PFKP: variants seen among roughly 807,000 people sequenced by gnomAD.
PFKP encodes the protein ATP-dependent 6-phosphofructokinase, platelet type.
A neutral mutation model predicts 94.3 loss-of-function variants in PFKP; 101 were observed. The observed-to-expected ratio is 1.07, with a 90% confidence interval of 0.91 to 1.26. The LOEUF is 1.26. Ranked by LOEUF, PFKP falls within the 50% of genes most tolerant of loss-of-function variation. PFKP has a pLI of 0.00. For synonymous variants in PFKP, 573 were observed against 432.6 expected (o/e 1.32, Z -4.03); for missense variants, 1,145 against 1,103.3 (o/e 1.04, Z -0.53).
intron 1 of PFKP, among the ~76,000 whole-genome samples, chr10:3,076,183 C>T (rs1417828251): frequency 6.6e-6 from 1 of 152,172 alleles, no homozygotes. Flanking sequence ...GCTTAAAGCA[C>T]ATCTCCATGT....
Position 3,109,376 on chromosome 10 carries a change from G to T in PFKP, c.985G>T (p.Ala329Ser), listed in dbSNP as rs1480320863. Reference sequence around the variant, plus strand: ...CCAGGCCAGCCGCATGGGAGTGGAGGCAGTCATCGCCTTGCTAGAGGCCAC... The same window carrying T: ...CCAGGCCAGCCGCATGGGAGTGGAGTCAGTCATCGCCTTGCTAGAGGCCAC... ...RILASRMGVE[A>S]VIALLEATPD... The change falls in exon 10 of 22, where the codon GCA becomes TCA. Residue 329 changes from alanine to serine, a missense_variant. By Grantham distance (99) the Ala-to-Ser change is moderately conservative (BLOSUM62 1). Around this residue, in one of 3 missense-constraint regions of PFKP, gnomAD observed 1,119 missense variants for 1,062.8 expected, o/e 1.05. Coordinates refer to ENST00000381125, the MANE Select transcript of PFKP (RefSeq NM_002627.5). 3.7e-6 allele frequency: 6 copies of T among 1,610,354 alleles called. No individual in the cohort carries two copies. Among genetic ancestry groups the T allele is most frequent in the Non-Finnish European group, 4.2e-6 (5 of 1,180,022 alleles).
At chr10:3,113,621 C>A (rs1221885271) in intron 13 of PFKP, 103 bp downstream of exon 13, 5 of 824,306 alleles carry the variant, frequency 6.1e-6, no homozygotes, top group South Asian at 1.7e-5. Context: ...CCTTTTCATG[C>A]CTCAGTCCGG....
rs1402670085 is a variant in PFKP, at chr10:3,107,284, C to T, written c.845C>T (p.Pro282Leu). The T allele has an allele frequency of 1.2e-6, 2 of 1,609,218 alleles. No individual in the cohort carries two copies. The highest frequency in any genetic ancestry group is 1.7e-6 in the Non-Finnish European group (2 of 1,176,060). Residue 282 changes from proline (P) to leucine (L), a missense_variant, in exon 8 of 22, where the codon CCC becomes CTC. Physicochemically the swap from Pro to Leu is moderately conservative, Grantham distance 98. Transcript: ENST00000381125. ...GGAGCAATTGATACCCAAAATAAAC[C>T]CATCACCTCTGAGAAAATCAAAGAG... ...AEGAIDTQNK[P>L]ITSEKIKELV...
chr10:3,077,261 C>CTTTTTTTT lies in PFKP; in HGVS notation c.113-5115_113-5108dup, dbSNP rs34485324. On this transcript the variant is annotated intron_variant, in intron 1 of 21. Transcript: ENST00000381125. ...CATCTATTCTTTACTTTTTTTTTTT[C>CTTTTTTTT]TTTTTTTTTTTTTTTTTTTGAGATG... is the stretch of plus-strand genomic sequence containing the variant. 2.1e-4 allele frequency among the ~76,000 whole-genome samples: 18 copies of CTTTTTTTT among 84,260 alleles called. 1 individual carries two copies. Among genetic ancestry groups the CTTTTTTTT allele is most frequent in the South Asian group, 4.6e-4 (1 of 2,190 alleles). The allele number at this position is 84,260 out of a possible 152,430, so 55.3% of individuals were successfully genotyped here.
Position 3,121,394 on chromosome 10 carries a change from G to A in PFKP, c.1683+1350G>A, listed in dbSNP as rs138355210. Among the ~76,000 whole-genome samples the A allele has an allele frequency of 9.5e-3, 1,439 of 152,204 alleles. 14 individuals are homozygous for A. The highest frequency in any genetic ancestry group is 0.016 in the Non-Finnish European group (1,120 of 68,004). On this transcript the variant is annotated intron_variant, in intron 16 of 21. Coordinates refer to ENST00000381125, the MANE Select transcript of PFKP (RefSeq NM_002627.5). ...CCGTCATTGCTTTCACTGCTCTTTC[G>A]CCTGCTTTAGCTAGATTTTTGGGTC...
intron 3 of PFKP, chr10:3,101,024 C>T: frequency 6.3e-7 from 1 of 1,585,838 alleles, no homozygotes; most frequent in Non-Finnish European, 8.7e-7. Context: ...TCTTTGGTTC[C>T]ACGTGCACCT....
At position 3,136,441 on chromosome 10, in the gene PFKP, C is replaced by T. The variant is rs761932616; in HGVS notation, c.2226-9C>T. 1 of 1,613,320 alleles carries T rather than the reference C, an allele frequency of 6.2e-7. No individual in the cohort carries two copies. ...CAGGCCTCACTGCTGTCTCCTCTTA[C>T]CTCCACAGGCACAGGATTCCCAAAG... On this transcript the variant is annotated splice_polypyrimidine_tract_variant and intron_variant, in intron 21 of 21. Transcript: ENST00000381125.
At chr10:3,073,027 A>C (rs1176391948) in intron 1 of PFKP, among the ~76,000 whole-genome samples, 3 of 150,176 alleles carry the variant, frequency 2.0e-5, no homozygotes, top group Admixed American at 1.3e-4. Context: ...TTCCCTCCCC[A>C]CTCCTCGGTT....
chr10:3,119,920 C>T lies in PFKP; in HGVS notation c.1559C>T (p.Ala520Val). ...TACCTGGGACTCCTGGAGCTGTCAGCCGCCCGGGAGAAGCACGAGGAGTTC... is the reference window on the plus strand; with the variant it reads ...TACCTGGGACTCCTGGAGCTGTCAGTCGCCCGGGAGAAGCACGAGGAGTTC... ...EAYLGLLELSAAREKHEEFCV... is the reference protein window; with the variant it reads ...EAYLGLLELSVAREKHEEFCV... Residue 520 changes from alanine (A) to valine (V), a missense_variant, in exon 16 of 22, where the codon GCC becomes GTC. Ala to Val is a moderately conservative substitution (Grantham distance 64, BLOSUM62 0). Transcript: ENST00000381125. 1.2e-6 allele frequency: 2 copies of T among 1,614,158 alleles called. No homozygotes were observed. The highest frequency in any genetic ancestry group is 1.7e-6 in the Non-Finnish European group (2 of 1,180,018).
chr10:3,134,656 C>G (rs1036641481), intron 20 of PFKP, 74 bp downstream of exon 20: 1 of 934,590 alleles, frequency 1.1e-6, no homozygotes, highest in African/African-American at 1.6e-5. Context: ...GCTGTCCTAT[C>G]GGGGAGAAGT....
intron 2 of PFKP, among the ~76,000 whole-genome samples, chr10:3,093,859 G>A (rs1003261022): frequency 1.3e-5 from 2 of 152,072 alleles, no homozygotes; most frequent in African/African-American, 2.4e-5. Flanking sequence ...TAGCCAGGAT[G>A]GTCTCCATCT....
At chr10:3,096,656 C>CCG (rs910980569) in intron 2 of PFKP, among the ~76,000 whole-genome samples, 5 of 151,256 alleles carry the variant, frequency 3.3e-5, no homozygotes, top group Admixed American at 2.0e-4. Context: ...TTTCCTTGCC[C>CCG]CCCCGAGCTT....
intron 5 of PFKP, chr10:3,104,709 G>A: frequency 3.5e-6 from 1 of 286,728 alleles, no homozygotes; most frequent in Non-Finnish European, 6.7e-6. Flanking sequence ...CACTTAGTGA[G>A]TCTGGCACTC....
At chr10:3,083,589 C>T (rs10903955) in intron 2 of PFKP, among the ~76,000 whole-genome samples, 16,930 of 152,024 alleles carry the variant, frequency 0.11, 1,240 homozygotes, top group East Asian at 0.32. Flanking sequence ...TTTTTGTTTA[C>T]GATTATGTCA....
chr10:3,093,695 G>A (rs949274446), intron 2 of PFKP, among the ~76,000 whole-genome samples: 1 of 143,972 alleles, frequency 6.9e-6, no homozygotes, highest in Non-Finnish European at 1.5e-5. Flanking sequence ...CCAGGCTGGA[G>A]TGCAGTGGCG....
At chr10:3,113,991 ACTAAAT>A (rs1836533209) in intron 13 of PFKP, among the ~76,000 whole-genome samples, 2 of 152,100 alleles carry the variant, frequency 1.3e-5, no homozygotes, top group Non-Finnish European at 2.9e-5. Flanking sequence ...TAAGCCTCAC[ACTAAAT>A]CTAAGATGTT....
intron 20 of PFKP, 81 bp downstream of exon 20, chr10:3,134,663 A>T: frequency 9.2e-6 from 8 of 872,248 alleles, no homozygotes; most frequent in Admixed American, 3.6e-5. Flanking sequence ...TATCGGGGAG[A>T]AGTAGGGTGC....
At chr10:3,113,580 C>T (rs574134433) in intron 13 of PFKP, 62 bp downstream of exon 13, 137 of 1,499,522 alleles carry the variant, frequency 9.1e-5, no homozygotes, top group Non-Finnish European at 1.1e-4. Flanking sequence ...GTGGACGTGG[C>T]GGCGGGGGGG....
At chr10:3,116,963 G>A (rs1836895251) in intron 14 of PFKP, 117 bp downstream of exon 14, 1 of 824,562 alleles carries the variant, frequency 1.2e-6, no homozygotes, top group Non-Finnish European at 2.1e-6. Flanking sequence ...CGTCCCTAAG[G>A]GAGGGGTGCA....
Sources: gnomAD v4.1 joint callset for allele counts (sites outside exome capture counted in the v4.1 genomes callset) on GRCh38, gnomAD v4.1.1 for gene constraint, gnomAD v4.1.1 regional missense constraint, MANE v1.5 for transcripts, NCBI Gene and HGNC (gene_info 2026-07-23, HGNC 2026-07-21) for gene names.